The following SORL1 variants were observed in gnomAD, a reference collection of about 807,000 sequenced individuals.
SORL1 encodes the protein sortilin-related receptor.
Under a neutral mutation model 273.7 loss-of-function variants are expected in SORL1, and 127 were observed. The observed-to-expected ratio is 0.46, with a 90% CI of 0.40 to 0.54. The LOEUF is 0.54. Ranked by LOEUF, SORL1 falls within the 20% of genes least tolerant of loss-of-function variation. The pLI, the probability that SORL1 is intolerant of heterozygous loss-of-function variation, is 0.00. For synonymous variants in SORL1, 1,031 were observed against 1,067.4 expected (o/e 0.97, Z 0.66); for missense variants, 2,494 against 2,846.1 (o/e 0.88, Z 2.81).
At position 121,590,138 on chromosome 11, in the gene SORL1, G is replaced by A. The variant is rs1428947446; in HGVS notation, c.4177G>A (p.Asp1393Asn). ...PNRWKCDREN[D>N]CGDWSDEKDC... is the part of the protein sequence containing the mutation. Reference sequence around the variant, plus strand: ...CAGATGGAAATGTGACAGGGAGAACGACTGTGGGGACTGGTCTGATGAGAA... The same window carrying A: ...CAGATGGAAATGTGACAGGGAGAACAACTGTGGGGACTGGTCTGATGAGAA... The change falls in exon 30 of 48, where the codon GAC becomes AAC. Residue 1393 changes from aspartate to asparagine, a missense_variant. Coordinates refer to ENST00000260197, the MANE Select transcript of SORL1 (RefSeq NM_003105.6). The A allele has an allele frequency of 1.2e-6, 2 of 1,614,086 alleles. No individual in the cohort carries two copies. Among genetic ancestry groups the A allele is most frequent in the Admixed American group, 3.3e-5 (2 of 60,012 alleles).
chr11:121,590,953 CA>C, intron 30 of SORL1, 47 bp from the exon 31 acceptor site: 1 of 1,611,274 alleles, frequency 6.2e-7, no homozygotes, highest in Non-Finnish European at 8.5e-7. Flanking sequence ...GGTCTAAGAT[CA>C]AGCTGCTTCT....
intron 6 of SORL1, among the ~76,000 whole-genome samples, chr11:121,501,551 C>T (rs918672605): frequency 2.6e-5 from 4 of 152,202 alleles, no homozygotes; most frequent in Non-Finnish European, 5.9e-5. Context: ...GTTTAATAGA[C>T]TCACAGTTCC....
At chr11:121,567,170 G>A (rs1591330519) in intron 22 of SORL1, 57 bp downstream of exon 22, 14 of 1,402,814 alleles carry the variant, frequency 1.0e-5, no homozygotes, top group Middle Eastern at 1.8e-4. Flanking sequence ...CCTGCTCCCC[G>A]CCAGGGGAGG....
intron 6 of SORL1, among the ~76,000 whole-genome samples, chr11:121,512,640 A>G (rs1861896771): frequency 6.6e-6 from 1 of 152,216 alleles, no homozygotes; most frequent in Non-Finnish European, 1.5e-5. Flanking sequence ...TGGGGGCCGT[A>G]GGCTCCTCCC....
intron 23 of SORL1, among the ~76,000 whole-genome samples, chr11:121,572,279 A>G (rs951824142): frequency 4.6e-5 from 7 of 152,156 alleles, no homozygotes; most frequent in Non-Finnish European, 5.9e-5. Context: ...GCTGCCTCCA[A>G]TGGCTTCCTC....
intron 16 of SORL1, among the ~76,000 whole-genome samples, chr11:121,553,131 C>G (rs1402276822): frequency 6.6e-6 from 1 of 152,198 alleles, no homozygotes; most frequent in Non-Finnish European, 1.5e-5. Context: ...GACTCTGGAT[C>G]CAGAGTGCCT....
At position 121,554,146 on chromosome 11, in the gene SORL1, A is replaced by T. The variant is rs768181024; in HGVS notation, c.2439+37A>T. 25 of 1,593,998 alleles carry T rather than the reference A, an allele frequency of 1.6e-5. No individual in the cohort carries two copies. The highest frequency in any genetic ancestry group is 2.7e-5 in the African/African-American group (2 of 74,748). On this transcript the variant is annotated intron_variant, in intron 17 of 47. Coordinates refer to ENST00000260197, the MANE Select transcript of SORL1 (RefSeq NM_003105.6). This position sits in a 1 kb window ranked among gnomAD's most constrained non-coding sequence, Gnocchi z 4.6. ...CTTGGTCTGACTGTGGGAGCTGTGC[A>T]TCGTGACTGCCCTGTCCTGATAAGC...
intron 24 of SORL1, chr11:121,576,824 CTG>C: frequency 6.5e-7 from 1 of 1,532,214 alleles, no homozygotes; most frequent in Non-Finnish European, 8.7e-7. Context: ...CTCTCTCTGA[CTG>C]AGCATCTCAC....
chr11:121,484,998 G>A (rs1185284629), intron 3 of SORL1, among the ~76,000 whole-genome samples: 1 of 152,198 alleles, frequency 6.6e-6, no homozygotes, highest in Admixed American at 6.5e-5. Flanking sequence ...GAAGTGATCT[G>A]CCCACCTTGG....
intron 1 of SORL1, among the ~76,000 whole-genome samples, chr11:121,460,760 G>C (rs1331153078): frequency 6.6e-6 from 1 of 152,126 alleles, no homozygotes; most frequent in Non-Finnish European, 1.5e-5. Context: ...GGTTGAGCCT[G>C]GAGGGCCCTG....
At chr11:121,569,100 C>A (rs568091854) in intron 22 of SORL1, among the ~76,000 whole-genome samples, 1 of 152,300 alleles carries the variant, frequency 6.6e-6, no homozygotes, top group Admixed American at 6.5e-5. Context: ...AGTCTCTGAA[C>A]ATAAATTGTG....
chr11:121,617,629 T>C (rs1475636378), intron 41 of SORL1, among the ~76,000 whole-genome samples: 2 of 152,112 alleles, frequency 1.3e-5, no homozygotes, highest in African/African-American at 4.8e-5. Context: ...GCTCCTACAG[T>C]CCTCGTCAAG....
chr11:121,465,550 C>T (rs1459466593), intron 1 of SORL1, among the ~76,000 whole-genome samples: 5 of 150,184 alleles, frequency 3.3e-5, no homozygotes, highest in South Asian at 2.1e-4. Context: ...TTTTTTGAGA[C>T]GGAGTCTCGC....
rs186336575 is a variant in SORL1, at chr11:121,463,132, G to A, written c.286-6875G>A. Among the ~76,000 whole-genome samples the A allele has an allele frequency of 4.8e-3, 736 of 152,292 alleles. 6 individuals are homozygous for A. The highest frequency in any genetic ancestry group is 0.017 in the African/African-American group (707 of 41,546). On this transcript the variant is annotated intron_variant, in intron 1 of 47. Coordinates refer to ENST00000260197, the MANE Select transcript of SORL1 (RefSeq NM_003105.6). ...CTGACTGTGTTTCCTGCACATGGCC[G>A]TGTGTTTTCAGGCAGTGAGAACCAC... is the stretch of plus-strand genomic sequence containing the variant.
At chr11:121,506,474 T>C (rs1229996137) in intron 6 of SORL1, among the ~76,000 whole-genome samples, 1 of 152,080 alleles carries the variant, frequency 6.6e-6, no homozygotes, top group Non-Finnish European at 1.5e-5. Context: ...GCAGGGAAAC[T>C]CCTCCTTTTT....
intron 22 of SORL1, among the ~76,000 whole-genome samples, 178 bp downstream of exon 22, chr11:121,567,291 G>C (rs1293631657): frequency 6.6e-6 from 1 of 152,210 alleles, no homozygotes; most frequent in African/African-American, 2.4e-5. Flanking sequence ...CTAAGTCCTG[G>C]TAAGGGTCAA....
At chr11:121,503,115 C>T (rs111792309) in intron 6 of SORL1, among the ~76,000 whole-genome samples, 8 of 152,218 alleles carry the variant, frequency 5.3e-5, no homozygotes, top group African/African-American at 1.9e-4. Context: ...AGCAGTCCTC[C>T]CACCTTGGCC....
At position 121,550,342 on chromosome 11, in the gene SORL1, G is replaced by A. The variant is rs1387538530; in HGVS notation, c.2181-243G>A. Reference sequence around the variant, plus strand: ...ACTTCAGCAGGGAAACATCTTCAGAGGAATGTATTCAAGAGATATATTTAA... The same window carrying A: ...ACTTCAGCAGGGAAACATCTTCAGAAGAATGTATTCAAGAGATATATTTAA... On this transcript the variant is annotated intron_variant, in intron 15 of 47. Coordinates refer to ENST00000260197, the MANE Select transcript of SORL1 (RefSeq NM_003105.6). This position sits in a 1 kb window ranked among gnomAD's most constrained non-coding sequence, Gnocchi z 5.3. 6.6e-6 allele frequency among the ~76,000 whole-genome samples: 1 copy of A among 152,186 alleles called. No homozygotes were observed.
At chr11:121,579,832 T>A (rs545139875) in intron 25 of SORL1, among the ~76,000 whole-genome samples, 14 of 152,346 alleles carry the variant, frequency 9.2e-5, no homozygotes, top group Admixed American at 3.3e-4. Flanking sequence ...CCAATGTACA[T>A]CCTTCAGGGG....
Sources: gnomAD v4.1 joint callset for allele counts (sites outside exome capture counted in the v4.1 genomes callset) on GRCh38, gnomAD v4.1.1 for gene constraint, Gnocchi (gnomAD v3.1) non-coding constraint, MANE v1.5 for transcripts, NCBI Gene and HGNC (gene_info 2026-07-23, HGNC 2026-07-21) for gene names.